The following MRAP2 variants were observed in gnomAD, a reference collection of about 807,000 sequenced individuals.
The protein encoded by MRAP2 is melanocortin-2 receptor accessory protein 2.
Under a neutral mutation model 17.4 loss-of-function variants are expected in MRAP2, and 20 were observed. The ratio of observed to expected loss-of-function variants is 1.15; its 90% CI spans 0.81 to 1.67. The LOEUF (loss-of-function observed/expected upper bound fraction) is 1.67, where lower values mean the gene tolerates loss of function less well. Among genes scored for constraint, MRAP2 ranks in the 40% most tolerant of loss-of-function variants. MRAP2 has a pLI of 0.00. For missense variants in MRAP2, 238 were observed against 240.0 expected, an observed-to-expected ratio of 0.99 and a Z score of 0.05; for synonymous variants, 96 against 88.4, an observed-to-expected ratio of 1.09 and a Z score of -0.48.
the MRAP2 span, among the ~76,000 whole-genome samples, chr6:84,126,939 C>T: frequency 6.6e-6 from 1 of 152,170 alleles, no homozygotes; most frequent in Non-Finnish European, 1.5e-5. Context: ...TCTGTTAACT[C>T]CCTATAATTC....
At chr6:84,118,531 G>C in the MRAP2 span, among the ~76,000 whole-genome samples, 4 of 152,156 alleles carry the variant, frequency 2.6e-5, no homozygotes, top group African/African-American at 9.7e-5. Context: ...CCACATTCTG[G>C]CAATGCAGTT....
intron 2 of MRAP2, 100 bp from the exon 3 acceptor site, chr6:84,062,793 A>G (rs1350217320): frequency 2.6e-6 from 4 of 1,556,708 alleles, no homozygotes; most frequent in Non-Finnish European, 3.5e-6. Flanking sequence ...ACTTCCTTTC[A>G]TGTTTCATGT....
intron 1 of MRAP2, 47 bp downstream of exon 1, chr6:84,033,930 C>A: frequency 1.0e-6 from 1 of 985,048 alleles, no homozygotes; most frequent in Non-Finnish European, 1.2e-6. Flanking sequence ...AAAGCCCGGG[C>A]GCTGGGTGCG....
At chr6:84,094,678 T>C (rs746986953), downstream of MRAP2, among the ~76,000 whole-genome samples, 1 of 152,094 alleles carries the variant, frequency 6.6e-6, no homozygotes, top group Non-Finnish European at 1.5e-5. Context: ...TTCATGATGA[T>C]TTAGATAGTT....
intron 3 of MRAP2, among the ~76,000 whole-genome samples, chr6:84,064,263 G>A (rs1042886820): frequency 6.6e-6 from 1 of 151,414 alleles, no homozygotes; most frequent in Admixed American, 6.6e-5. Context: ...AGCTAATCCA[G>A]TGTGACCTCT....
At chr6:84,053,301 G>T (rs971503011) in intron 1 of MRAP2, among the ~76,000 whole-genome samples, 8 of 152,130 alleles carry the variant, frequency 5.3e-5, no homozygotes, top group African/African-American at 1.9e-4. Context: ...TACTAAAAAT[G>T]ATATGATCAA....
At chr6:84,072,652 C>T (rs943939944) in intron 3 of MRAP2, among the ~76,000 whole-genome samples, 1 of 152,128 alleles carries the variant, frequency 6.6e-6, no homozygotes, top group Non-Finnish European at 1.5e-5. Context: ...AGTATATGTC[C>T]TTTGTCTTTA....
rs555993092 is a variant in MRAP2, at chr6:84,063,133, C to T, written c.227+141C>T. Reference sequence around the variant, plus strand: ...GATTTGCTGTCTGGACCCAGATGCCCGTGGATGGGATCCAGCTATTCTCCT... The same window carrying T: ...GATTTGCTGTCTGGACCCAGATGCCTGTGGATGGGATCCAGCTATTCTCCT... On this transcript the variant is annotated intron_variant, in intron 3 of 3. Coordinates refer to ENST00000257776, the MANE Select transcript of MRAP2 (RefSeq NM_138409.4). The T allele has an allele frequency of 3.5e-4, 510 of 1,462,280 alleles. 5 individuals are homozygous for T. In the South Asian group the frequency reaches 5.0e-3, roughly 14 times the overall value. The allele number at this position is 1,462,280 out of a possible 1,614,324, so 90.6% of individuals were successfully genotyped here. A position where few individuals can be genotyped will look rare whatever the true frequency, so the allele number is the denominator to read the frequency against.
chr6:84,074,240 A>C (rs369866711), intron 3 of MRAP2, among the ~76,000 whole-genome samples: 1 of 152,234 alleles, frequency 6.6e-6, no homozygotes, highest in East Asian at 1.9e-4. Flanking sequence ...AAAGTGAAAC[A>C]GTAAGATGAA....
chr6:84,118,468 G>A, the MRAP2 span, among the ~76,000 whole-genome samples: 6 of 152,302 alleles, frequency 3.9e-5, no homozygotes, highest in Non-Finnish European at 7.4e-5. Flanking sequence ...GCCCTGGCTG[G>A]GAGGTCCCGC....
the MRAP2 span, chr6:84,125,115 A>C: frequency 6.8e-4 from 1,096 of 1,613,412 alleles, 9 homozygotes; most frequent in African/African-American, 0.013. Context: ...CAACTGGCAC[A>C]ACCACTCCTT....
chr6:84,144,743 T>C, the MRAP2 span, among the ~76,000 whole-genome samples: 5 of 152,134 alleles, frequency 3.3e-5, no homozygotes. Flanking sequence ...TGATGAAGAA[T>C]TCTTTTTAGG....
intron 3 of MRAP2, among the ~76,000 whole-genome samples, chr6:84,064,923 G>T (rs1283525973): frequency 6.6e-6 from 1 of 152,182 alleles, no homozygotes; most frequent in African/African-American, 2.4e-5. Flanking sequence ...TATAACAAAT[G>T]CCTGTGCAAA....
At chr6:84,063,325 A>T in intron 3 of MRAP2, 1 of 985,120 alleles carries the variant, frequency 1.0e-6, no homozygotes, top group African/African-American at 1.7e-5. Context: ...GATTTAGATG[A>T]TTCACCATAT....
intron 3 of MRAP2, among the ~76,000 whole-genome samples, chr6:84,065,747 G>C (rs1189122871): frequency 4.6e-5 from 7 of 152,196 alleles, no homozygotes; most frequent in Non-Finnish European, 8.8e-5. Flanking sequence ...TTTCTGTGAA[G>C]GTATTTCTTA....
intron 1 of MRAP2, among the ~76,000 whole-genome samples, chr6:84,047,524 CT>C (rs912243110): frequency 1.3e-5 from 2 of 151,728 alleles, no homozygotes; most frequent in African/African-American, 4.8e-5. Context: ...AATATTAGAA[CT>C]TTTTTGTATT....
chr6:84,095,515 T>C (rs1289472024), downstream of MRAP2, among the ~76,000 whole-genome samples: 3 of 152,226 alleles, frequency 2.0e-5, no homozygotes, highest in African/African-American at 7.2e-5. Context: ...GGTGACTTTT[T>C]AAATGCCTGA....
chr6:84,104,691 A>G, the MRAP2 span, among the ~76,000 whole-genome samples: 3 of 151,982 alleles, frequency 2.0e-5, no homozygotes, highest in African/African-American at 4.8e-5. Flanking sequence ...ACATGCTGAA[A>G]CCCTGTCTCT....
chr6:84,080,321 C>T lies in MRAP2; in HGVS notation c.228-8770C>T, dbSNP rs560519586. On this transcript the variant is annotated intron_variant, in intron 3 of 3. Coordinates refer to ENST00000257776, the MANE Select transcript of MRAP2 (RefSeq NM_138409.4). ...AAAGTGCTGGGATTACAGGTGTGAG[C>T]CACCACGCCCTATTGCCAGGGTTTT... 7.6e-4 allele frequency among the ~76,000 whole-genome samples: 116 copies of T among 151,856 alleles called. 1 individual carries two copies. Among genetic ancestry groups the T allele is most frequent in the African/African-American group, 2.7e-3 (112 of 41,390 alleles).
Sources: allele counts gnomAD v4.1 joint callset (sites outside exome capture counted in the v4.1 genomes callset), GRCh38; gene constraint gnomAD v4.1.1; transcripts MANE v1.5; gene names NCBI Gene and HGNC (gene_info 2026-07-23, HGNC 2026-07-21).